CAMK2B: variants seen among roughly 807,000 people sequenced by gnomAD.
CAMK2B encodes the protein calcium/calmodulin-dependent protein kinase type II subunit beta.
CAMK2B carries 27 observed loss-of-function variants against 93.7 expected under a neutral mutation model. That is an observed-to-expected ratio of 0.29 (90% CI 0.21 to 0.40). The LOEUF is 0.40. CAMK2B is among the 10% of genes least tolerant of loss of function. The probability of loss-of-function intolerance (pLI) is 1.00; values close to 1 mark genes in which losing one functional copy is unlikely to be tolerated. For missense variants in CAMK2B, 568 were observed against 895.8 expected, an observed-to-expected ratio of 0.63 and a Z score of 4.67; for synonymous variants, 374 against 358.8, an observed-to-expected ratio of 1.04 and a Z score of -0.48.
intron 1 of CAMK2B, among the ~76,000 whole-genome samples, chr7:44,287,673 G>A (rs1300403316): frequency 1.3e-5 from 2 of 152,214 alleles, no homozygotes; most frequent in Non-Finnish European, 2.9e-5. Context: ...GCCCGCCAGT[G>A]TTTATAAACA....
intron 2 of CAMK2B, among the ~76,000 whole-genome samples, chr7:44,278,134 C>T (rs1315421091): frequency 6.6e-6 from 1 of 152,156 alleles, no homozygotes; most frequent in Non-Finnish European, 1.5e-5. Flanking sequence ...GGCAGGGTGG[C>T]AGGCTGCCCG....
chr7:44,246,660 C>A (rs1020282828), intron 6 of CAMK2B, among the ~76,000 whole-genome samples: 6 of 151,946 alleles, frequency 3.9e-5, no homozygotes, highest in Admixed American at 3.3e-4. Context: ...TGCACTCACA[C>A]CTCTAAGTGT....
At chr7:44,220,542 C>T (rs987412026) in intron 22 of CAMK2B, 74 bp downstream of exon 22, 1 of 1,299,768 alleles carries the variant, frequency 7.7e-7, no homozygotes, top group African/African-American at 1.5e-5. Flanking sequence ...AGCCACCATG[C>T]TGTCCCTGGG....
chr7:44,313,265 G>C (rs1563106852), intron 1 of CAMK2B, among the ~76,000 whole-genome samples: 1 of 152,152 alleles, frequency 6.6e-6, no homozygotes, highest in Non-Finnish European at 1.5e-5. Context: ...TTGTGCCTCA[G>C]AAGTCCCACA....
At chr7:44,290,884 C>T (rs967370455) in intron 1 of CAMK2B, among the ~76,000 whole-genome samples, 10 of 152,108 alleles carry the variant, frequency 6.6e-5, no homozygotes, top group African/African-American at 2.2e-4. Context: ...ATTATTGTTA[C>T]GTTTACAATG....
At chr7:44,317,423 TA>T (rs752765624) in intron 1 of CAMK2B, among the ~76,000 whole-genome samples, 30 of 152,174 alleles carry the variant, frequency 2.0e-4, no homozygotes, top group South Asian at 6.2e-4. Context: ...AATAGCTTAA[TA>T]ATTTCTGTTT....
intron 2 of CAMK2B, among the ~76,000 whole-genome samples, chr7:44,279,358 G>T (rs2097082586): frequency 6.6e-6 from 1 of 152,232 alleles, no homozygotes; most frequent in African/African-American, 2.4e-5. Context: ...CAAGAAAATG[G>T]CAGGGTGAGG....
chr7:44,299,662 A>T (rs1019650670), intron 1 of CAMK2B, among the ~76,000 whole-genome samples: 1 of 152,218 alleles, frequency 6.6e-6, no homozygotes, highest in Non-Finnish European at 1.5e-5. Flanking sequence ...TAGGATCAAT[A>T]ATTTGCAATT....
At chr7:44,280,650 G>A (rs763996163) in intron 2 of CAMK2B, among the ~76,000 whole-genome samples, 3 of 152,200 alleles carry the variant, frequency 2.0e-5, no homozygotes, top group Non-Finnish European at 4.4e-5. Context: ...CACATGTCAC[G>A]GAGCTTCTCC....
intron 1 of CAMK2B, among the ~76,000 whole-genome samples, chr7:44,294,362 G>A (rs1787706891): frequency 6.6e-6 from 1 of 152,158 alleles, no homozygotes; most frequent in Non-Finnish European, 1.5e-5. Context: ...AAGGGCTACG[G>A]AACAGACAGT....
intron 6 of CAMK2B, among the ~76,000 whole-genome samples, 161 bp downstream of exon 6, chr7:44,246,959 C>A (rs1427841979): frequency 6.6e-6 from 1 of 152,142 alleles, no homozygotes; most frequent in African/African-American, 2.4e-5. Context: ...CACATGCATG[C>A]ACACACTCCT....
intron 11 of CAMK2B, 110 bp downstream of exon 11, chr7:44,241,587 TGGG>T: frequency 1.3e-6 from 1 of 780,666 alleles, no homozygotes; most frequent in Non-Finnish European, 2.2e-6. Context: ...CAGTCAGTCT[TGGG>T]GGCAGCAGTA....
At chr7:44,319,678 C>T (rs1284723050) in intron 1 of CAMK2B, among the ~76,000 whole-genome samples, 2 of 152,154 alleles carry the variant, frequency 1.3e-5, no homozygotes, top group Non-Finnish European at 1.5e-5. Context: ...TCCTAATGAC[C>T]TTTCAGGCCC....
At chr7:44,259,054 T>C (rs1315082115) in intron 3 of CAMK2B, 128 bp from the exon 4 acceptor site, 1 of 858,984 alleles carries the variant, frequency 1.2e-6, no homozygotes, top group Non-Finnish European at 1.9e-6. Flanking sequence ...TCGGGCTGGG[T>C]AGGGCCCGGG....
chr7:44,308,828 C>T (rs999741136), intron 1 of CAMK2B, among the ~76,000 whole-genome samples: 5 of 152,172 alleles, frequency 3.3e-5, no homozygotes, highest in Non-Finnish European at 7.4e-5. Flanking sequence ...GCGAGCCCCT[C>T]GTCTCTCCTC....
At chr7:44,277,345 T>C (rs1364601775) in intron 2 of CAMK2B, among the ~76,000 whole-genome samples, 1 of 152,144 alleles carries the variant, frequency 6.6e-6, no homozygotes, top group East Asian at 1.9e-4. Context: ...CAATCCTCCA[T>C]TTAATTAAGT....
chr7:44,228,296 G>C (rs568543420), intron 19 of CAMK2B, among the ~76,000 whole-genome samples: 2 of 152,050 alleles, frequency 1.3e-5, no homozygotes, highest in Non-Finnish European at 2.9e-5. Flanking sequence ...GACCCTGGTC[G>C]GGGTTCCAGT....
chr7:44,226,465 C>T (rs2096480353), intron 20 of CAMK2B, 51 bp downstream of exon 20: 4 of 1,348,726 alleles, frequency 3.0e-6, no homozygotes, highest in African/African-American at 1.5e-5. Context: ...GCTCGCACGC[C>T]CCGAGCCCCT....
At chr7:44,272,198 G>A (rs1404853435) in intron 2 of CAMK2B, among the ~76,000 whole-genome samples, 2 of 152,304 alleles carry the variant, frequency 1.3e-5, no homozygotes, top group South Asian at 2.1e-4. Context: ...GGTGGGCAGC[G>A]AGGACTTGGG....
Sources: gnomAD v4.1 joint callset for allele counts (sites outside exome capture counted in the v4.1 genomes callset) on GRCh38, gnomAD v4.1.1 for gene constraint, MANE v1.5 for transcripts, NCBI Gene and HGNC (gene_info 2026-07-23, HGNC 2026-07-21) for gene names.